ZFAND3: variants seen among roughly 807,000 people sequenced by gnomAD.
The protein encoded by ZFAND3 is AN1-type zinc finger protein 3.
A neutral mutation model predicts 29.6 loss-of-function variants in ZFAND3; 10 were observed. The observed-to-expected ratio is 0.34, with a 90% CI of 0.21 to 0.57. The LOEUF is 0.57. Among genes scored for constraint, ZFAND3 ranks in the 20% least tolerant of loss-of-function variants. The probability of loss-of-function intolerance (pLI) is 0.86; values close to 1 mark genes in which losing one functional copy is unlikely to be tolerated. For synonymous variants in ZFAND3, 128 were observed against 112.6 expected, an observed-to-expected ratio of 1.14 and a Z score of -0.87; for missense variants, 230 against 304.5, an observed-to-expected ratio of 0.76 and a Z score of 1.82.
intron 1 of ZFAND3, among the ~76,000 whole-genome samples, chr6:37,869,202 C>A (rs1581722010): frequency 6.6e-6 from 1 of 152,150 alleles, no homozygotes; most frequent in East Asian, 1.9e-4. Flanking sequence ...GCTCTATCAT[C>A]CAGGCTGGAG....
chr6:37,917,250 A>T (rs1761276759), intron 1 of ZFAND3, among the ~76,000 whole-genome samples: 1 of 152,162 alleles, frequency 6.6e-6, no homozygotes, highest in Admixed American at 6.5e-5. Context: ...GTGATCATAG[A>T]TTTATAGAAT....
At chr6:37,820,326 G>C (rs992996715) in intron 1 of ZFAND3, among the ~76,000 whole-genome samples, 1 of 152,232 alleles carries the variant, frequency 6.6e-6, no homozygotes, top group African/African-American at 2.4e-5. Context: ...AGGGGGCGGC[G>C]TTGACCGCTC....
intron 1 of ZFAND3, among the ~76,000 whole-genome samples, chr6:37,829,207 G>A (rs1000663842): frequency 1.3e-5 from 2 of 150,860 alleles, no homozygotes; most frequent in Admixed American, 1.3e-4. Context: ...TCCAGCCTGG[G>A]TAACATAATG....
chr6:37,865,893 G>A (rs1230110609), intron 1 of ZFAND3, among the ~76,000 whole-genome samples: 1 of 152,106 alleles, frequency 6.6e-6, no homozygotes, highest in Non-Finnish European at 1.5e-5. Context: ...ACTAGGAGTG[G>A]GGCTTTCACC....
At chr6:37,822,256 T>C (rs11755095) in intron 1 of ZFAND3, among the ~76,000 whole-genome samples, 33,240 of 152,204 alleles carry the variant, frequency 0.22, 4,530 homozygotes, top group African/African-American at 0.38. Context: ...TTTTTAGATA[T>C]TTTCAGTCTG....
At chr6:37,948,282 A>G (rs2127419647) in intron 2 of ZFAND3, among the ~76,000 whole-genome samples, 1 of 152,340 alleles carries the variant, frequency 6.6e-6, no homozygotes, top group Admixed American at 6.5e-5. Context: ...CTGTCTTACT[A>G]GGTACATAAA....
At chr6:37,988,372 A>C (rs956517087) in intron 2 of ZFAND3, among the ~76,000 whole-genome samples, 1 of 152,306 alleles carries the variant, frequency 6.6e-6, no homozygotes, top group African/African-American at 2.4e-5. Context: ...ACTCCTGCCA[A>C]ACTTTGTCCT....
chr6:38,097,463 A>G (rs1436996340), intron 4 of ZFAND3, among the ~76,000 whole-genome samples: 1 of 152,094 alleles, frequency 6.6e-6, no homozygotes, highest in Non-Finnish European at 1.5e-5. Flanking sequence ...CAGTGAGTAT[A>G]GGTATTAACT....
At chr6:37,978,544 A>T (rs552630506) in intron 2 of ZFAND3, among the ~76,000 whole-genome samples, 2 of 149,516 alleles carry the variant, frequency 1.3e-5, no homozygotes, top group African/African-American at 2.5e-5. Context: ...AGATTCATGA[A>T]TGAAGCCATC....
intron 5 of ZFAND3, among the ~76,000 whole-genome samples, chr6:38,127,593 A>C (rs1471598226): frequency 6.6e-6 from 1 of 152,202 alleles, no homozygotes; most frequent in African/African-American, 2.4e-5. Context: ...GATGTTTAGA[A>C]ATGCTTTGTT....
At chr6:37,840,766 T>G (rs1764058830) in intron 1 of ZFAND3, among the ~76,000 whole-genome samples, 2 of 152,226 alleles carry the variant, frequency 1.3e-5, no homozygotes, top group African/African-American at 4.8e-5. Flanking sequence ...TTTTGTAGTT[T>G]TCACTGTACA....
intron 4 of ZFAND3, among the ~76,000 whole-genome samples, chr6:38,115,570 A>G (rs1765399511): frequency 6.6e-6 from 1 of 152,200 alleles, no homozygotes; most frequent in South Asian, 2.1e-4. Context: ...GCTTAGACCA[A>G]GGTGGGGGTG....
intron 4 of ZFAND3, among the ~76,000 whole-genome samples, chr6:38,089,511 TAA>T (rs1203176986): frequency 6.6e-6 from 1 of 152,214 alleles, no homozygotes; most frequent in Non-Finnish European, 1.5e-5. Flanking sequence ...ATCTGGAAGT[TAA>T]GAGAAGATTG....
At chr6:37,838,198 C>G (rs1764004392) in intron 1 of ZFAND3, among the ~76,000 whole-genome samples, 1 of 152,150 alleles carries the variant, frequency 6.6e-6, no homozygotes, top group African/African-American at 2.4e-5. Context: ...TTGGGATTAT[C>G]ATTTTCTAGT....
At chr6:37,978,075 G>A (rs927564772) in intron 2 of ZFAND3, among the ~76,000 whole-genome samples, 3 of 151,958 alleles carry the variant, frequency 2.0e-5, no homozygotes, top group Non-Finnish European at 2.9e-5. Context: ...TGGGATTACA[G>A]GTGCCCACCT....
intron 1 of ZFAND3, among the ~76,000 whole-genome samples, chr6:37,881,532 T>C (rs911718763): frequency 6.6e-6 from 1 of 152,172 alleles, no homozygotes; most frequent in Non-Finnish European, 1.5e-5. Context: ...GGGAAGCTGT[T>C]AGCTCTGGGG....
chr6:37,988,016 A>G (rs1019923223), intron 2 of ZFAND3, among the ~76,000 whole-genome samples: 5 of 152,246 alleles, frequency 3.3e-5, no homozygotes, highest in East Asian at 1.9e-4. Context: ...TTACAGAAGC[A>G]TGCTTTAAAA....
intron 5 of ZFAND3, among the ~76,000 whole-genome samples, chr6:38,144,776 G>A (rs1252052730): frequency 6.6e-6 from 1 of 152,254 alleles, no homozygotes; most frequent in Non-Finnish European, 1.5e-5. Context: ...ACTTGAGGGA[G>A]CTTCCAAGTG....
chr6:37,857,324 A>G (rs920164378), intron 1 of ZFAND3, among the ~76,000 whole-genome samples: 7 of 152,350 alleles, frequency 4.6e-5, no homozygotes, highest in African/African-American at 1.7e-4. Context: ...GCAGAAACAT[A>G]TAACATGATA....
Sources: gnomAD v4.1 joint callset for allele counts (sites outside exome capture counted in the v4.1 genomes callset) on GRCh38, gnomAD v4.1.1 for gene constraint, MANE v1.5 for transcripts, NCBI Gene and HGNC (gene_info 2026-07-23, HGNC 2026-07-21) for gene names.